PCBD2: variants seen among roughly 807,000 people sequenced by gnomAD.
PCBD2 encodes pterin-4 alpha-carbinolamine dehydratase 2.
Under a neutral mutation model 16.4 loss-of-function variants are expected in PCBD2, and 12 were observed. The ratio of observed to expected loss-of-function variants is 0.73; its 90% CI spans 0.47 to 1.19. The LOEUF is 1.19. Among genes scored for constraint, PCBD2 ranks in the 50% most tolerant of loss-of-function variants. The pLI is 0.00. For missense variants in PCBD2, 138 were observed against 156.8 expected, an observed-to-expected ratio of 0.88 and a Z score of 0.64; for synonymous variants, 58 against 61.8, an observed-to-expected ratio of 0.94 and a Z score of 0.29.
chr5:134,926,662 A>G (rs1296769193), intron 2 of PCBD2: 8 of 396,854 alleles, frequency 2.0e-5, no homozygotes, highest in African/African-American at 1.6e-4. Context: ...TATTTACAGG[A>G]GGAAAACCCG....
At chr5:134,943,536 C>T (rs1751257265) in intron 2 of PCBD2, among the ~76,000 whole-genome samples, 1 of 152,186 alleles carries the variant, frequency 6.6e-6, no homozygotes, top group Non-Finnish European at 1.5e-5. Flanking sequence ...TACTGAATGT[C>T]TGTTGCCTGA....
chr5:134,944,363 A>G (rs1351914010), intron 2 of PCBD2, among the ~76,000 whole-genome samples: 2 of 152,194 alleles, frequency 1.3e-5, no homozygotes, highest in Non-Finnish European at 2.9e-5. Flanking sequence ...TTCTTCTACC[A>G]AGATTCCTCA....
chr5:134,939,343 T>G (rs973632428), intron 2 of PCBD2, among the ~76,000 whole-genome samples: 6 of 151,532 alleles, frequency 4.0e-5, no homozygotes, highest in African/African-American at 7.3e-5. Context: ...TTTTGTTGTT[T>G]TTTTTTTTTT....
intron 2 of PCBD2, chr5:134,923,942 A>C (rs78068654): frequency 2.5e-6 from 1 of 394,118 alleles, no homozygotes; most frequent in Non-Finnish European, 4.5e-6. Flanking sequence ...AGGCACCAAG[A>C]AGTGAGCCGA....
intron 2 of PCBD2, among the ~76,000 whole-genome samples, chr5:134,958,108 T>C (rs1419439934): frequency 1.3e-5 from 2 of 152,210 alleles, no homozygotes; most frequent in African/African-American, 4.8e-5. Flanking sequence ...GGTATTGCCC[T>C]GTGAATGCCA....
In PCBD2 at chr5:134,960,986, C is replaced by T. The variant is rs1439422366; in HGVS notation, c.*305C>T. ...TTTACCACGTTGGTCAGGCTGGTCT[C>T]GAACTCCTGACCTCGTGATCCGCCT... On this transcript the variant is annotated 3_prime_UTR_variant, in exon 4 of 4. Transcript: ENST00000254908. The T allele has an allele frequency of 2.1e-5, 4 of 193,120 alleles. No individual in the cohort carries two copies. The highest frequency in any genetic ancestry group is 4.3e-5 in the Non-Finnish European group (4 of 93,746). 12.0% of individuals were successfully genotyped at this position (193,120 alleles called of 1,614,324 possible).
intron 2 of PCBD2, among the ~76,000 whole-genome samples, chr5:134,947,210 A>G (rs1411612634): frequency 2.0e-5 from 3 of 150,166 alleles, no homozygotes; most frequent in Non-Finnish European, 2.9e-5. Context: ...ATCCTGCCTC[A>G]GCCTCCCGAG....
intron 2 of PCBD2, chr5:134,926,432 G>C (rs1750997690): frequency 2.5e-6 from 1 of 392,226 alleles, no homozygotes; most frequent in Non-Finnish European, 4.5e-6. Flanking sequence ...GTTAGGGCTA[G>C]GGTGGGTATA....
intron 2 of PCBD2, 88 bp from the exon 3 acceptor site, chr5:134,958,952 C>T (rs1345549653): frequency 4.0e-6 from 4 of 1,005,028 alleles, no homozygotes; most frequent in Non-Finnish European, 6.1e-6. Context: ...CCTTGCCTGC[C>T]TTTATGTGGT....
At chr5:134,916,820 G>A (rs1187435262) in intron 2 of PCBD2, among the ~76,000 whole-genome samples, 1 of 152,234 alleles carries the variant, frequency 6.6e-6, no homozygotes, top group Non-Finnish European at 1.5e-5. Context: ...CTTGGTGGTG[G>A]TACATGGGCT....
chr5:134,912,925 TTTTA>T (rs796919024), intron 2 of PCBD2, among the ~76,000 whole-genome samples: 24 of 152,314 alleles, frequency 1.6e-4, no homozygotes, highest in African/African-American at 5.5e-4. Context: ...AGCCATTGTT[TTTTA>T]TTGTAACAAC....
intron 2 of PCBD2, among the ~76,000 whole-genome samples, chr5:134,917,602 T>C (rs1181382803): frequency 2.0e-5 from 3 of 152,224 alleles, no homozygotes; most frequent in Admixed American, 1.3e-4. Flanking sequence ...GATGGAATCA[T>C]ATGAGCTGGT....
chr5:134,956,097 A>C (rs1235934024), intron 2 of PCBD2, among the ~76,000 whole-genome samples: 1 of 152,210 alleles, frequency 6.6e-6, no homozygotes, highest in Middle Eastern at 3.2e-3. Flanking sequence ...TGGAAGAAGG[A>C]TTATGGAATT....
intron 1 of PCBD2, among the ~76,000 whole-genome samples, chr5:134,909,650 T>C (rs1750743239): frequency 6.6e-6 from 1 of 152,138 alleles, no homozygotes; most frequent in Non-Finnish European, 1.5e-5. Flanking sequence ...CAAAGAGCAA[T>C]AGACCAGGAG....
intron 2 of PCBD2, among the ~76,000 whole-genome samples, chr5:134,937,637 G>T (rs76483049): frequency 1.9e-3 from 293 of 152,364 alleles, no homozygotes; most frequent in Non-Finnish European, 3.2e-3. Flanking sequence ...CGGTTTTGAA[G>T]TTCCAGGCCA....
chr5:134,923,763 AG>A (rs1750939869), intron 2 of PCBD2: 1 of 392,506 alleles, frequency 2.5e-6, no homozygotes, highest in Admixed American at 4.5e-5. Flanking sequence ...GCCGATGTGT[AG>A]GAAGAGGCAG....
intron 2 of PCBD2, among the ~76,000 whole-genome samples, chr5:134,943,599 C>T (rs1751257744): frequency 6.6e-6 from 1 of 152,154 alleles, no homozygotes; most frequent in Non-Finnish European, 1.5e-5. Context: ...TCAAAAGGCT[C>T]CAGGTTGTGA....
chr5:134,944,927 G>C (rs1031416817), intron 2 of PCBD2, among the ~76,000 whole-genome samples: 1 of 152,136 alleles, frequency 6.6e-6, no homozygotes, highest in Non-Finnish European at 1.5e-5. Flanking sequence ...AAATCATTGT[G>C]TCCCAACAGG....
At chr5:134,941,647 A>G (rs1474933701) in intron 2 of PCBD2, among the ~76,000 whole-genome samples, 3 of 152,200 alleles carry the variant, frequency 2.0e-5, no homozygotes, top group African/African-American at 7.2e-5. Flanking sequence ...AAAGAAAACC[A>G]TGGTGCCACA....
Sources: allele counts gnomAD v4.1 joint callset (sites outside exome capture counted in the v4.1 genomes callset), GRCh38; gene constraint gnomAD v4.1.1; transcripts MANE v1.5; gene names NCBI Gene and HGNC (gene_info 2026-07-23, HGNC 2026-07-21).